The following NUP214 variants were observed in gnomAD, a reference collection of about 807,000 sequenced individuals.
NUP214 encodes nuclear pore complex protein Nup214.
In NUP214, 79 loss-of-function variants were observed where a neutral mutation model predicts 196.2. The ratio of observed to expected loss-of-function variants is 0.40; its 90% confidence interval spans 0.34 to 0.49. The LOEUF (loss-of-function observed/expected upper bound fraction) is 0.49, where lower values mean the gene tolerates loss of function less well. Among genes scored for constraint, NUP214 ranks in the 20% least tolerant of loss-of-function variants. The pLI, the probability that NUP214 is intolerant of heterozygous loss-of-function variation, is 0.58. For missense variants in NUP214, 2,468 were observed against 2,539.0 expected (o/e 0.97, Z 0.60); for synonymous variants, 1,020 against 990.5 (o/e 1.03, Z -0.56).
chr9:131,186,310 C>G (rs1833449057), intron 24 of NUP214, among the ~76,000 whole-genome samples: 1 of 152,288 alleles, frequency 6.6e-6, no homozygotes, highest in African/African-American at 2.4e-5. Context: ...TTTTTCTTCT[C>G]TCTCAATCTA....
chr9:131,206,923 C>G (rs1834103772), intron 30 of NUP214, among the ~76,000 whole-genome samples: 2 of 152,130 alleles, frequency 1.3e-5, no homozygotes, highest in Admixed American at 6.5e-5. Flanking sequence ...TTGGAAGGGC[C>G]AAAGATTGAA....
intron 30 of NUP214, among the ~76,000 whole-genome samples, chr9:131,205,367 A>G (rs1459405970): frequency 6.6e-6 from 1 of 152,248 alleles, no homozygotes; most frequent in Non-Finnish European, 1.5e-5. Flanking sequence ...AAGAAGAGCA[A>G]CTGGGAACTC....
chr9:131,128,439 G>A lies in NUP214; in HGVS notation c.349G>A (p.Gly117Ser). The A allele has an allele frequency of 6.2e-7, 1 of 1,613,388 alleles. No individual in the cohort carries two copies. Among genetic ancestry groups the A allele is most frequent in the Admixed American group, 1.7e-5 (1 of 59,946 alleles). ...LSACMMSSEY[G>S]SIIAFFDVRT... is the part of the protein sequence containing the mutation. Reference sequence around the variant, plus strand: ...TGCGTGCATGATGTCCAGTGAATATGGTTCCATTATTGCTTTTTTTGATGT... The same window carrying A: ...TGCGTGCATGATGTCCAGTGAATATAGTTCCATTATTGCTTTTTTTGATGT... Residue 117 changes from glycine to serine, a missense_variant, in exon 3 of 36, where the codon GGT becomes AGT. Physicochemically the swap from Gly to Ser is moderately conservative, Grantham distance 56. This residue lies in a region of NUP214 where 392 missense variants were observed against 417.9 expected (regional missense o/e 0.94). Coordinates refer to ENST00000359428, the MANE Select transcript of NUP214 (RefSeq NM_005085.4).
At position 131,192,203 on chromosome 9, in the gene NUP214, T is replaced by G; in HGVS notation, c.3575-5T>G. The G allele has an allele frequency of 4.5e-6, 3 of 666,636 alleles. No individual in the cohort carries two copies. The highest frequency in any genetic ancestry group is 3.4e-5 in the South Asian group (2 of 58,470). 41.3% of individuals were successfully genotyped at this position (666,636 alleles called of 1,614,324 possible). On this transcript the variant is annotated splice_region_variant and splice_polypyrimidine_tract_variant and intron_variant, in intron 26 of 35. Transcript: ENST00000359428. ...TTTTTTTTTTTTTTTTTTCCATAAT[T>G]TCAGGGACAGCCAAGATAGAAACAG...
intron 30 of NUP214, among the ~76,000 whole-genome samples, chr9:131,204,366 G>C (rs950342307): frequency 6.6e-6 from 1 of 152,188 alleles, no homozygotes; most frequent in African/African-American, 2.4e-5. Context: ...GGCTGTATTT[G>C]GAGCAGATTA....
chr9:131,206,148 C>CTTTTTTTTT lies in NUP214; in HGVS notation c.5592+4437_5592+4445dup, dbSNP rs71265048. On this transcript the variant is annotated intron_variant, in intron 30 of 35. Coordinates refer to ENST00000359428, the MANE Select transcript of NUP214 (RefSeq NM_005085.4). ...TCCACATAGAATTTTTTTCTTTTTTCTTTTTTTTTTTTTTGAGACAGGGTT... is the reference window on the plus strand; with the variant it reads ...TCCACATAGAATTTTTTTCTTTTTTCTTTTTTTTTTTTTTTTTTTTTTTGAGACAGGGTT... Among the ~76,000 whole-genome samples, 419 of 76,350 alleles carry CTTTTTTTTT rather than the reference C, an allele frequency of 5.5e-3. 71 individuals are homozygous for CTTTTTTTTT. The highest frequency in any genetic ancestry group is 0.02 in the African/African-American group (368 of 18,814). 50.1% of individuals were successfully genotyped at this position (76,350 alleles called of 152,430 possible). A position where few individuals can be genotyped will look rare whatever the true frequency, so the allele number is the denominator to read the frequency against.
In NUP214 at chr9:131,174,244, T is replaced by C. The variant is rs776660345; in HGVS notation, c.3083T>C (p.Leu1028Pro). ...VVRTPSIQPS[L>P]LPHAAPFAKS... ...CGCACTCCTTCCATCCAGCCCAGTCTCTTGCCCCATGCAGCACCTTTTGCT... is the reference window on the plus strand; with the variant it reads ...CGCACTCCTTCCATCCAGCCCAGTCCCTTGCCCCATGCAGCACCTTTTGCT... The change falls in exon 22 of 36, where the codon CTC (leucine) becomes CCC (proline). Residue 1028 changes from leucine to proline, a missense_variant. Physicochemically the swap from Leu to Pro is moderately conservative, Grantham distance 98 (BLOSUM62 -3). This residue lies in a region of NUP214 where 1,801 missense variants were observed against 1,779.4 expected (regional missense o/e 1.01). Transcript: ENST00000359428. 1 of 1,613,978 alleles carries C rather than the reference T, an allele frequency of 6.2e-7. No individual in the cohort carries two copies. Among genetic ancestry groups the C allele is most frequent in the Non-Finnish European group, 8.5e-7 (1 of 1,179,950 alleles).
At chr9:131,189,912 T>A (rs1344356948) in intron 26 of NUP214, 1 of 154,252 alleles carries the variant, frequency 6.5e-6, no homozygotes. Context: ...TTTGTTTCAA[T>A]CATGCTCTTA....
At chr9:131,156,779 G>A (rs975889144) in intron 17 of NUP214, among the ~76,000 whole-genome samples, 10 of 152,054 alleles carry the variant, frequency 6.6e-5, no homozygotes, top group African/African-American at 1.4e-4. Flanking sequence ...GGCAAACAGC[G>A]ACAGTTTGAC....
rs147354892 is a variant in NUP214, at chr9:131,197,558, C to A, written c.4064C>A (p.Thr1355Lys). The change falls in exon 29 of 36, where the codon ACA (threonine) becomes AAA (lysine). Residue 1355 changes from threonine (T) to lysine (K), a missense_variant. Thr to Lys is a moderately conservative substitution (Grantham distance 78). Coordinates refer to ENST00000359428, the MANE Select transcript of NUP214 (RefSeq NM_005085.4). ...STKPTNKASS[T>K]SLTSTQPTKT... ...AAACCAACCAATAAGGCTTCATCCACAAGCCTAACTAGTACCCAGCCAACC... is the reference window on the plus strand; with the variant it reads ...AAACCAACCAATAAGGCTTCATCCAAAAGCCTAACTAGTACCCAGCCAACC... 2 of 1,614,088 alleles carry A rather than the reference C, an allele frequency of 1.2e-6. No individual in the cohort carries two copies. Among genetic ancestry groups the A allele is most frequent in the Admixed American group, 3.3e-5 (2 of 60,002 alleles).
At chr9:131,190,437 C>T (rs1197724782) in intron 26 of NUP214, 2 of 692,176 alleles carry the variant, frequency 2.9e-6, no homozygotes, top group African/African-American at 1.8e-5. Context: ...TCATGAAATC[C>T]TCTCTTTTGT....
rs1266824068 is a variant in NUP214 at position 131,228,253 on chromosome 9, C to G, written c.5996C>G (p.Ala1999Gly). 6.2e-7 allele frequency: 1 copy of G among 1,605,448 alleles called. No individual in the cohort carries two copies. The highest frequency in any genetic ancestry group is 1.7e-5 in the Admixed American group (1 of 57,526). The stretch of plus-strand genomic sequence containing the variant: ...GTGCCAGCATTCGGTTCAGCCCCAG[C>G]CTTTACAAGCCCTCTGGGCTCGACG... ...GGVPAFGSAP[A>G]FTSPLGSTGG... The change falls in exon 33 of 36, where the codon GCC becomes GGC. Residue 1999 changes from alanine (A) to glycine (G), a missense_variant. Physicochemically the swap from Ala to Gly is moderately conservative, Grantham distance 60. Coordinates refer to ENST00000359428, the MANE Select transcript of NUP214 (RefSeq NM_005085.4).
At chr9:131,132,115 CTTTCTTTTTTT>C (rs768452846) in intron 5 of NUP214, among the ~76,000 whole-genome samples, 3 of 108,180 alleles carry the variant, frequency 2.8e-5, no homozygotes, top group Admixed American at 1.0e-4. Context: ...CTTTTCTTTT[CTTTCTTTTTTT>C]TTTTTTTTTG....
chr9:131,144,704 G>A lies in NUP214; in HGVS notation c.1719G>A (p.Lys573=), dbSNP rs2133493445. 1 of 1,613,840 alleles carries A rather than the reference G, an allele frequency of 6.2e-7. No individual in the cohort carries two copies. The highest frequency in any genetic ancestry group is 8.5e-7 in the Non-Finnish European group (1 of 1,179,840). The part of the protein sequence containing the change: ...PSVSAPNIAM[K]PSFPPSTSAV... ...TGTCTGCTCCAAATATAGCAATGAAGCCCTCCTTCCCACCCTCAACCTCTG... is the reference window on the plus strand; with the variant it reads ...TGTCTGCTCCAAATATAGCAATGAAACCCTCCTTCCCACCCTCAACCTCTG... Residue 573 remains lysine (K), a synonymous_variant, in exon 12 of 36, where the codon AAG becomes AAA. Transcript: ENST00000359428.
Position 131,233,593 on chromosome 9 carries a change from C to G in NUP214, c.*106C>G. 1 of 1,216,776 alleles carries G rather than the reference C, an allele frequency of 8.2e-7. No homozygotes were observed. The highest frequency in any genetic ancestry group is 1.2e-6 in the Non-Finnish European group (1 of 836,306). 75.4% of individuals were successfully genotyped at this position (1,216,776 alleles called of 1,614,324 possible). A position where few individuals can be genotyped will look rare whatever the true frequency, so the allele number is the denominator to read the frequency against. On this transcript the variant is annotated 3_prime_UTR_variant, in exon 36 of 36. Transcript: ENST00000359428. ...TCAGACCGACGTTGCCATCAAAACA[C>G]ATACACCCAGAAAGAAACAACAGAA...
Position 131,133,111 on chromosome 9 carries a change from G to A in NUP214, c.733G>A (p.Asp245Asn). 1 of 1,610,856 alleles carries A rather than the reference G, an allele frequency of 6.2e-7. No individual in the cohort carries two copies. Among genetic ancestry groups the A allele is most frequent in the African/African-American group, 1.3e-5 (1 of 74,812 alleles). Reference protein sequence around the residue: ...YESDHPVRVLDVLWIGTYVFA... With the variant: ...YESDHPVRVLNVLWIGTYVFA... ...GATTAAGATGTGTCTTTCAGTTCTG[G>A]ATGTGCTGTGGATTGGTACCTACGT... Residue 245 changes from aspartate (D) to asparagine (N), a missense_variant, in exon 7 of 36, where the codon GAT (aspartate) becomes AAT (asparagine). By Grantham distance (23) the Asp-to-Asn change is conservative (BLOSUM62 1). This residue lies in a region of NUP214 where 392 missense variants were observed against 417.9 expected (regional missense o/e 0.94). Transcript: ENST00000359428.
chr9:131,194,014 T>C (rs1007073522), intron 27 of NUP214: 3 of 151,716 alleles, frequency 2.0e-5, no homozygotes, highest in Non-Finnish European at 4.4e-5. Flanking sequence ...TTGACACTAT[T>C]AGATAAAATT....
Position 131,150,404 on chromosome 9 carries a change from G to A in NUP214, c.2121G>A (p.Gly707=), listed in dbSNP as rs1209042342. The A allele has an allele frequency of 6.2e-7, 1 of 1,614,136 alleles. No homozygotes were observed. The highest frequency in any genetic ancestry group is 1.7e-5 in the Admixed American group (1 of 60,028). ...CAGATCCTGTAATGGCTGGAATTGG[G>A]GAGGAGGTAAATTTGTTTCCTGAGG... ...KDSDPVMAGI[G]EEIAHFQKEL... Residue 707 remains glycine, a synonymous_variant, in exon 15 of 36, where the codon GGG becomes GGA. Transcript: ENST00000359428.
chr9:131,230,552 A>C (rs352963), intron 33 of NUP214, 78 bp from the exon 34 acceptor site: 1 of 1,565,534 alleles, frequency 6.4e-7, no homozygotes, highest in Middle Eastern at 2.2e-4. Flanking sequence ...TGGGACTTAC[A>C]GCAGGGGGCT....
Sources: allele counts gnomAD v4.1 joint callset (sites outside exome capture counted in the v4.1 genomes callset), GRCh38; gene constraint gnomAD v4.1.1; regional missense constraint gnomAD v4.1.1; transcripts MANE v1.5; gene names NCBI Gene and HGNC (gene_info 2026-07-23, HGNC 2026-07-21).